The following AUTS2 variants were observed in gnomAD, a reference collection of about 807,000 sequenced individuals.
The protein encoded by AUTS2 is autism susceptibility gene 2 protein.
AUTS2 carries 17 observed loss-of-function variants against 112.4 expected under a neutral mutation model. The ratio of observed to expected loss-of-function variants is 0.15; its 90% CI spans 0.10 to 0.23. The LOEUF (loss-of-function observed/expected upper bound fraction) is 0.23, where lower values mean the gene tolerates loss of function less well. Among genes scored for constraint, AUTS2 ranks in the 10% least tolerant of loss-of-function variants. The pLI, the probability that AUTS2 is intolerant of heterozygous loss-of-function variation, is 1.00. For missense variants in AUTS2, 1,510 were observed against 1,701.6 expected, an observed-to-expected ratio of 0.89 and a Z score of 1.98; for synonymous variants, 751 against 702.7, an observed-to-expected ratio of 1.07 and a Z score of -1.09.
At chr7:69,779,005 T>C (rs907561644) in intron 1 of AUTS2, among the ~76,000 whole-genome samples, 13 of 144,950 alleles carry the variant, frequency 9.0e-5, no homozygotes, top group African/African-American at 3.4e-4. Flanking sequence ...TGTTTATTCA[T>C]GTATAAAAGA....
At chr7:69,611,657 G>C (rs577753794) in intron 1 of AUTS2, among the ~76,000 whole-genome samples, 1 of 152,208 alleles carries the variant, frequency 6.6e-6, no homozygotes, top group African/African-American at 2.4e-5. Context: ...TAGGCCGGGC[G>C]CGGTGGCTCA....
At chr7:70,517,261 A>C (rs1196695475) in intron 5 of AUTS2, among the ~76,000 whole-genome samples, 1 of 152,188 alleles carries the variant, frequency 6.6e-6, no homozygotes, top group Non-Finnish European at 1.5e-5. Flanking sequence ...GGAGGTTCTC[A>C]AGAGGGTTTC....
Position 70,303,427 on chromosome 7 carries a change from C to T in AUTS2, c.661-132325C>T, listed in dbSNP as rs143697476. Among the ~76,000 whole-genome samples the T allele has an allele frequency of 2.6e-3, 352 of 135,478 alleles. 1 individual carries two copies. The highest frequency in any genetic ancestry group is 9.5e-3 in the African/African-American group (325 of 34,158). The allele number at this position is 135,478 out of a possible 152,430, so 88.9% of individuals were successfully genotyped here. A position where few individuals can be genotyped will look rare whatever the true frequency, so the allele number is the denominator to read the frequency against. ...ATGTGTGCACGCACACACACACGCG[C>T]GCGCGCGCACATACACACACACACA... On this transcript the variant is annotated intron_variant, in intron 4 of 18. Transcript: ENST00000342771.
At position 70,328,919 on chromosome 7, in the gene AUTS2, T is replaced by G. The variant is rs964900660; in HGVS notation, c.661-106833T>G. ...TTTCATCACTCCAGAGTAAAACCCCTTACCCATTAAGTAGTCTGTACCTAT... is the reference window on the plus strand; with the variant it reads ...TTTCATCACTCCAGAGTAAAACCCCGTACCCATTAAGTAGTCTGTACCTAT... On this transcript the variant is annotated intron_variant, in intron 4 of 18. Transcript: ENST00000342771. Among the ~76,000 whole-genome samples, 5 of 152,214 alleles carry G rather than the reference T, an allele frequency of 3.3e-5. No homozygotes were observed. In the East Asian group the frequency reaches 9.6e-4, roughly 29 times the overall value.
intron 4 of AUTS2, among the ~76,000 whole-genome samples, chr7:70,329,797 A>G (rs990908252): frequency 6.6e-6 from 1 of 151,866 alleles, no homozygotes; most frequent in Non-Finnish European, 1.5e-5. Flanking sequence ...TTCTGTTGTA[A>G]CAAACTACTT....
chr7:69,928,158 G>A (rs1796094889), intron 2 of AUTS2, among the ~76,000 whole-genome samples: 1 of 152,200 alleles, frequency 6.6e-6, no homozygotes, highest in Non-Finnish European at 1.5e-5. Flanking sequence ...GTCCCAGTGA[G>A]TCCCTGAGTC....
chr7:69,923,642 A>G (rs1248804932), intron 2 of AUTS2, among the ~76,000 whole-genome samples: 1 of 152,154 alleles, frequency 6.6e-6, no homozygotes, highest in African/African-American at 2.4e-5. Context: ...AATATTTTGT[A>G]CTTTTCAGTA....
At chr7:70,265,490 T>G (rs1005630538) in intron 4 of AUTS2, among the ~76,000 whole-genome samples, 1 of 152,204 alleles carries the variant, frequency 6.6e-6, no homozygotes, top group Non-Finnish European at 1.5e-5. Context: ...AGAAAAAAAG[T>G]TATCTCTCTG....
At chr7:70,236,505 T>C (rs1049810097) in intron 4 of AUTS2, among the ~76,000 whole-genome samples, 2 of 152,194 alleles carry the variant, frequency 1.3e-5, no homozygotes, top group African/African-American at 4.8e-5. Context: ...AAAGTACTTT[T>C]TCTTCCTCTT....
intron 1 of AUTS2, among the ~76,000 whole-genome samples, chr7:69,614,414 A>G (rs1324988162): frequency 8.7e-6 from 1 of 115,428 alleles, no homozygotes; most frequent in Non-Finnish European, 1.9e-5. Flanking sequence ...GGAGTGCAGC[A>G]GTAATCATAG....
In AUTS2 at chr7:70,658,558, G is replaced by A. The variant is rs189363668; in HGVS notation, c.691-40011G>A. Among the ~76,000 whole-genome samples, 28 of 152,310 alleles carry A rather than the reference G, an allele frequency of 1.8e-4. 1 individual carries two copies. In the East Asian group the frequency reaches 5.4e-3, roughly 29 times the overall value. On this transcript the variant is annotated intron_variant, in intron 5 of 18. Coordinates refer to ENST00000342771, the MANE Select transcript of AUTS2 (RefSeq NM_015570.4). The stretch of plus-strand genomic sequence containing the variant: ...AGACAAGAGCACAGGCTTCTGGGGG[G>A]CTTCTTTTTATCTTCCCTAAATTGC...
chr7:70,788,432 G>A (rs1791660338), intron 18 of AUTS2, among the ~76,000 whole-genome samples: 1 of 152,138 alleles, frequency 6.6e-6, no homozygotes, highest in African/African-American at 2.4e-5. Flanking sequence ...TTCCTTCAAG[G>A]CAGTATGATA....
At chr7:70,604,058 T>C (rs943383172) in intron 5 of AUTS2, among the ~76,000 whole-genome samples, 5 of 152,142 alleles carry the variant, frequency 3.3e-5, no homozygotes, top group African/African-American at 1.2e-4. Context: ...CGTGACCCGG[T>C]GTAAGGTGTT....
chr7:70,777,105 A>G lies in AUTS2; in HGVS notation c.1935A>G (p.Lys645=), dbSNP rs759142229. The change falls in exon 14 of 19, where the codon AAA becomes AAG. Residue 645 remains lysine, a splice_region_variant and synonymous_variant. Coordinates refer to ENST00000342771, the MANE Select transcript of AUTS2 (RefSeq NM_015570.4). ...LTDPFRPMLR[K]PGKWCAMHVH... ...CACGTTGCTCTTTCTTGTTCCAGAA[A>G]CCAGGGAAGTGGTGTGCTATGCATG... 2 of 1,613,948 alleles carry G rather than the reference A, an allele frequency of 1.2e-6. No individual in the cohort carries two copies. Among genetic ancestry groups the G allele is most frequent in the East Asian group, 2.2e-5 (1 of 44,862 alleles).
At chr7:69,685,863 C>G (rs2851487) in intron 1 of AUTS2, among the ~76,000 whole-genome samples, 95,864 of 151,828 alleles carry the variant, frequency 0.63, 30,662 homozygotes, top group Middle Eastern at 0.72. Flanking sequence ...CCTTTTTACT[C>G]TGTTGTAGAG....
At chr7:70,074,755 G>C (rs1008660472) in intron 2 of AUTS2, among the ~76,000 whole-genome samples, 29 of 152,114 alleles carry the variant, frequency 1.9e-4, no homozygotes, top group African/African-American at 6.0e-4. Context: ...TACAGCACAC[G>C]GAAGTAAATC....
chr7:69,853,994 G>C (rs959329876), intron 1 of AUTS2, among the ~76,000 whole-genome samples: 1 of 152,002 alleles, frequency 6.6e-6, no homozygotes, highest in Non-Finnish European at 1.5e-5. Context: ...GATTTTATGA[G>C]GTTCCCTTAT....
At chr7:69,979,323 A>G (rs1011724325) in intron 2 of AUTS2, among the ~76,000 whole-genome samples, 7 of 152,252 alleles carry the variant, frequency 4.6e-5, no homozygotes, top group African/African-American at 9.6e-5. Context: ...TGAGACAAGT[A>G]GGACTTGATC....
intron 2 of AUTS2, among the ~76,000 whole-genome samples, chr7:70,051,604 A>G (rs751553953): frequency 2.0e-5 from 3 of 152,098 alleles, no homozygotes; most frequent in African/African-American, 7.2e-5. Context: ...CTGTAATCCC[A>G]GCTACTCAGG....
Sources: gnomAD v4.1 joint callset for allele counts (sites outside exome capture counted in the v4.1 genomes callset) on GRCh38, gnomAD v4.1.1 for gene constraint, MANE v1.5 for transcripts, NCBI Gene and HGNC (gene_info 2026-07-23, HGNC 2026-07-21) for gene names.